The following RCAN2 variants were observed in gnomAD, a reference collection of about 807,000 sequenced individuals.
RCAN2 encodes the protein regulator of calcineurin 2.
Under a neutral mutation model 23.6 loss-of-function variants are expected in RCAN2, and 9 were observed. The ratio of observed to expected loss-of-function variants is 0.38; its 90% CI spans 0.23 to 0.67. The LOEUF (loss-of-function observed/expected upper bound fraction) is 0.67. RCAN2 is among the 30% of genes least tolerant of loss of function. The pLI is 0.51. For missense variants in RCAN2, 273 were observed against 302.3 expected (o/e 0.90, Z 0.72); for synonymous variants, 109 against 115.7 (o/e 0.94, Z 0.37).
In RCAN2 at chr6:46,476,222, C is replaced by T. The variant is rs540152794; in HGVS notation, c.-3+14951G>A. Among the ~76,000 whole-genome samples, 16 of 152,228 alleles carry T rather than the reference C, an allele frequency of 1.1e-4. No individual in the cohort carries two copies. In the East Asian group the frequency reaches 2.7e-3, roughly 26 times the overall value. Reference sequence around the variant, plus strand: ...CACAGCTAGCACAGCAGAATCAGAACGAGAATGAAGACCCCCTGAATCTTG... The same window carrying T: ...CACAGCTAGCACAGCAGAATCAGAATGAGAATGAAGACCCCCTGAATCTTG... On this transcript the variant is annotated intron_variant, in intron 1 of 4. Transcript: ENST00000371374.
At chr6:46,475,562 T>A (rs1768692198) in intron 1 of RCAN2, among the ~76,000 whole-genome samples, 1 of 152,156 alleles carries the variant, frequency 6.6e-6, no homozygotes, top group Admixed American at 6.5e-5. Flanking sequence ...AAAGCTATAA[T>A]TCCAATATTC....
At chr6:46,475,342 G>A (rs1387984689) in intron 1 of RCAN2, among the ~76,000 whole-genome samples, 1 of 152,208 alleles carries the variant, frequency 6.6e-6, no homozygotes, top group Non-Finnish European at 1.5e-5. Flanking sequence ...GCCATACAGA[G>A]CAGCAATTCC....
intron 2 of RCAN2, among the ~76,000 whole-genome samples, chr6:46,423,657 C>A (rs1456506389): frequency 6.6e-6 from 1 of 152,056 alleles, no homozygotes; most frequent in Non-Finnish European, 1.5e-5. Flanking sequence ...ATTATGGGTA[C>A]CTTATTATCT....
rs140540872 is a variant in RCAN2 at position 46,331,985 on chromosome 6, A to G, written c.226-83089T>C. ...TCACAATATTAATGCAACCAGAAAGAGTTTAAGATTTTTTTCTAGTTATTT... is the reference window on the plus strand; with the variant it reads ...TCACAATATTAATGCAACCAGAAAGGGTTTAAGATTTTTTTCTAGTTATTT... On this transcript the variant is annotated intron_variant, in intron 2 of 4. Transcript: ENST00000371374. Among the ~76,000 whole-genome samples the G allele has an allele frequency of 4.6e-5, 7 of 152,326 alleles. No individual in the cohort carries two copies. The East Asian group carries it at 7.7e-4, about 17-fold the overall frequency.
At chr6:46,363,216 A>T (rs1013197680) in intron 2 of RCAN2, among the ~76,000 whole-genome samples, 4 of 152,134 alleles carry the variant, frequency 2.6e-5, no homozygotes, top group African/African-American at 9.7e-5. Context: ...GAAGAACACT[A>T]CATGTCTGAT....
intron 2 of RCAN2, among the ~76,000 whole-genome samples, chr6:46,361,554 G>A (rs533433650): frequency 7.9e-5 from 12 of 152,288 alleles, no homozygotes; most frequent in Admixed American, 2.6e-4. Flanking sequence ...CTGAAAATAC[G>A]TCTAGATTGC....
intron 2 of RCAN2, among the ~76,000 whole-genome samples, chr6:46,305,246 C>T (rs916169448): frequency 6.6e-5 from 10 of 152,096 alleles, no homozygotes; most frequent in African/African-American, 2.2e-4. Context: ...AACTTTGATG[C>T]ATGGTGGCTG....
chr6:46,261,760 C>T (rs575788005), intron 2 of RCAN2, among the ~76,000 whole-genome samples: 3 of 152,272 alleles, frequency 2.0e-5, no homozygotes, highest in African/African-American at 7.2e-5. Flanking sequence ...TTATTATCTA[C>T]TGAAAATGTA....
At chr6:46,405,552 G>A (rs2150405161) in intron 2 of RCAN2, among the ~76,000 whole-genome samples, 1 of 152,316 alleles carries the variant, frequency 6.6e-6, no homozygotes, top group Middle Eastern at 3.4e-3. Context: ...GGTTCTCCAA[G>A]GCCCCACCAG....
intron 2 of RCAN2, among the ~76,000 whole-genome samples, chr6:46,416,557 C>T (rs1017428403): frequency 1.3e-5 from 2 of 151,644 alleles, no homozygotes; most frequent in African/African-American, 4.8e-5. Flanking sequence ...CTCTGTCACC[C>T]ATGCTGGAGT....
chr6:46,404,594 T>A lies in RCAN2; in HGVS notation c.225+52158A>T, dbSNP rs553837852. Among the ~76,000 whole-genome samples the A allele has an allele frequency of 1.6e-4, 24 of 152,340 alleles. 3 individuals are homozygous for A. The South Asian group carries it at 5.0e-3, about 32-fold the overall frequency. ...CCATAAAATATGTATATCTTTAATA[T>A]AGCCTAGAAATATATTTCTTGGTAT... On this transcript the variant is annotated intron_variant, in intron 2 of 4. Coordinates refer to ENST00000371374, the MANE Select transcript of RCAN2 (RefSeq NM_001251974.2).
At chr6:46,323,222 G>T (rs979572607) in intron 2 of RCAN2, among the ~76,000 whole-genome samples, 7 of 152,100 alleles carry the variant, frequency 4.6e-5, no homozygotes, top group African/African-American at 1.7e-4. Flanking sequence ...CAATGATGAC[G>T]ATGGTGATAG....
chr6:46,358,290 A>T (rs1365702632), intron 2 of RCAN2, among the ~76,000 whole-genome samples: 1 of 152,184 alleles, frequency 6.6e-6, no homozygotes, highest in East Asian at 1.9e-4. Flanking sequence ...AGTAATGATC[A>T]TGCTGGAGGC....
In RCAN2 at chr6:46,285,483, A is replaced by C. The variant is rs138895150; in HGVS notation, c.226-36587T>G. ...CAAAGTCGCAAATAAAGAGGTTCTA[A>C]TCGAGGGGTTCTGGGATGAGGCCCA... On this transcript the variant is annotated intron_variant, in intron 2 of 4. Transcript: ENST00000371374. Among the ~76,000 whole-genome samples the C allele has an allele frequency of 3.9e-3, 597 of 152,298 alleles. 6 individuals carry two copies. The highest frequency in any genetic ancestry group is 0.014 in the African/African-American group (566 of 41,572).
chr6:46,326,007 A>G, intron 2 of RCAN2: 1 of 411,434 alleles, frequency 2.4e-6, no homozygotes. Context: ...CGAGATGAGC[A>G]GGAAGTTGAG....
chr6:46,486,364 T>G (rs1768990429), intron 1 of RCAN2, among the ~76,000 whole-genome samples: 1 of 152,136 alleles, frequency 6.6e-6, no homozygotes, highest in Non-Finnish European at 1.5e-5. Context: ...CAAATGCCAG[T>G]TCCTATGACT....
chr6:46,239,450 G>A lies in RCAN2; in HGVS notation c.571+7298C>T, dbSNP rs551047079. 8.5e-5 allele frequency among the ~76,000 whole-genome samples: 13 copies of A among 152,318 alleles called. No homozygotes were observed. In the East Asian group the frequency reaches 2.3e-3, roughly 27 times the overall value. On this transcript the variant is annotated intron_variant, in intron 4 of 4. Coordinates refer to ENST00000371374, the MANE Select transcript of RCAN2 (RefSeq NM_001251974.2). The stretch of plus-strand genomic sequence containing the variant: ...GAACTCCAATCCAGGTCTGCTGAGC[G>A]ACCAGCGTAACCGCCTTACTACTTC...
At chr6:46,321,402 A>G (rs774985722) in intron 2 of RCAN2, among the ~76,000 whole-genome samples, 3 of 152,186 alleles carry the variant, frequency 2.0e-5, no homozygotes, top group African/African-American at 4.8e-5. Context: ...TGCTCCACAC[A>G]TGTTTTTGAA....
intron 2 of RCAN2, among the ~76,000 whole-genome samples, chr6:46,402,943 C>T (rs1766294619): frequency 6.6e-6 from 1 of 151,892 alleles, no homozygotes. Context: ...AACACACATA[C>T]TAGGTTGCTA....
Sources: gnomAD v4.1 joint callset for allele counts (sites outside exome capture counted in the v4.1 genomes callset) on GRCh38, gnomAD v4.1.1 for gene constraint, MANE v1.5 for transcripts, NCBI Gene and HGNC (gene_info 2026-07-23, HGNC 2026-07-21) for gene names.